Variants in PTTG1IP2 observed in about 807,000 individuals in gnomAD.
PTTG1IP2 encodes PTTG1IP family member 2.
chr7:90,511,879 A>T (rs1422902778), intron 6 of PTTG1IP2, among the ~76,000 whole-genome samples: 1 of 152,242 alleles, frequency 6.6e-6, no homozygotes, highest in Non-Finnish European at 1.5e-5. Context: ...GTGGTGATAC[A>T]ATGAGCTAAC....
At chr7:90,485,271 C>T (rs1010508027) in intron 2 of PTTG1IP2, among the ~76,000 whole-genome samples, 1 of 151,916 alleles carries the variant, frequency 6.6e-6, no homozygotes, top group African/African-American at 2.4e-5. Context: ...TCCATCCATC[C>T]CCATATTTTC....
intron 1 of PTTG1IP2, among the ~76,000 whole-genome samples, chr7:90,473,618 T>C (rs1797714550): frequency 6.6e-6 from 1 of 152,232 alleles, no homozygotes; most frequent in Non-Finnish European, 1.5e-5. Flanking sequence ...TACTGAATTG[T>C]GATGTAAAAC....
At chr7:90,472,438 C>T (rs962573040) in intron 1 of PTTG1IP2, among the ~76,000 whole-genome samples, 3 of 151,948 alleles carry the variant, frequency 2.0e-5, no homozygotes, top group African/African-American at 7.3e-5. Context: ...GCCTCGAAGT[C>T]GATAGCAAGA....
At chr7:90,479,732 T>C (rs1797794144) in intron 2 of PTTG1IP2, among the ~76,000 whole-genome samples, 1 of 152,168 alleles carries the variant, frequency 6.6e-6, no homozygotes, top group African/African-American at 2.4e-5. Context: ...CAGTTCAGAT[T>C]TGGAAGAAAG....
At chr7:90,485,628 G>T (rs1389826519) in intron 2 of PTTG1IP2, among the ~76,000 whole-genome samples, 1 of 152,164 alleles carries the variant, frequency 6.6e-6, no homozygotes, top group Non-Finnish European at 1.5e-5. Context: ...TTGGTCACCA[G>T]TCTAGCTGCT....
At chr7:90,478,049 A>G (rs1797770357) in intron 1 of PTTG1IP2, among the ~76,000 whole-genome samples, 1 of 144,770 alleles carries the variant, frequency 6.9e-6, no homozygotes, top group African/African-American at 2.6e-5. Flanking sequence ...GTGAGCCGAG[A>G]TCGTGCCACT....
At chr7:90,470,548 C>G (rs1403560600) in intron 1 of PTTG1IP2, among the ~76,000 whole-genome samples, 1 of 152,122 alleles carries the variant, frequency 6.6e-6, no homozygotes, top group East Asian at 1.9e-4. Flanking sequence ...TTTACAAAGA[C>G]AATGAGACAG....
At chr7:90,477,648 T>C (rs1293271452) in intron 1 of PTTG1IP2, among the ~76,000 whole-genome samples, 1 of 152,166 alleles carries the variant, frequency 6.6e-6, no homozygotes, top group Non-Finnish European at 1.5e-5. Flanking sequence ...GGAGACATGA[T>C]GACTAAAGGC....
At chr7:90,509,144 G>A (rs1295075474) in intron 6 of PTTG1IP2, among the ~76,000 whole-genome samples, 2 of 147,920 alleles carry the variant, frequency 1.4e-5, no homozygotes, top group Non-Finnish European at 3.0e-5. Context: ...GCGGACAACA[G>A]CATAATCAGA....
At chr7:90,492,018 C>T (rs1797944274) in intron 4 of PTTG1IP2, among the ~76,000 whole-genome samples, 2 of 152,026 alleles carry the variant, frequency 1.3e-5, no homozygotes, top group African/African-American at 4.8e-5. Flanking sequence ...GTAATCCCAG[C>T]TACTTAGGTG....
intron 5 of PTTG1IP2, among the ~76,000 whole-genome samples, chr7:90,492,523 G>A (rs566629723): frequency 6.6e-5 from 10 of 152,100 alleles, no homozygotes; most frequent in Non-Finnish European, 1.0e-4. Flanking sequence ...TACATATTGC[G>A]CCATTGCATT....
intron 1 of PTTG1IP2, among the ~76,000 whole-genome samples, chr7:90,478,153 T>C (rs1213023934): frequency 1.3e-5 from 2 of 149,082 alleles, no homozygotes; most frequent in African/African-American, 4.9e-5. Context: ...TGAGGGGGTA[T>C]ACAGGAACTC....
chr7:90,492,978 C>T (rs1797955200), intron 5 of PTTG1IP2, among the ~76,000 whole-genome samples: 1 of 152,216 alleles, frequency 6.6e-6, no homozygotes, highest in Non-Finnish European at 1.5e-5. Flanking sequence ...TGGGCAGGCA[C>T]TCCCAATCCT....
At chr7:90,497,563 CAAAAAAAAAAA>C (rs758753541) in intron 6 of PTTG1IP2, among the ~76,000 whole-genome samples, 1,407 of 44,382 alleles carry the variant, frequency 0.032, 27 homozygotes, top group East Asian at 0.11. Context: ...GAATCCGTCT[CAAAAAAAAAAA>C]AAAAAAAAAA....
At chr7:90,486,877 G>T (rs1206746469) in intron 2 of PTTG1IP2, among the ~76,000 whole-genome samples, 1 of 152,194 alleles carries the variant, frequency 6.6e-6, no homozygotes, top group Non-Finnish European at 1.5e-5. Context: ...TGGAGTGACA[G>T]ACTCAGGGAA....
intron 5 of PTTG1IP2, among the ~76,000 whole-genome samples, chr7:90,492,989 C>T (rs1339397357): frequency 6.6e-6 from 1 of 152,206 alleles, no homozygotes; most frequent in East Asian, 1.9e-4. Flanking sequence ...TCCCAATCCT[C>T]TACCCAGGTC....
chr7:90,490,505 G>A (rs1797926720), intron 4 of PTTG1IP2, among the ~76,000 whole-genome samples: 1 of 151,368 alleles, frequency 6.6e-6, no homozygotes. Context: ...ACTTGGTCAG[G>A]AACTTTGTAT....
chr7:90,506,607 A>C (rs1798127275), intron 6 of PTTG1IP2, among the ~76,000 whole-genome samples: 1 of 152,072 alleles, frequency 6.6e-6, no homozygotes, highest in Non-Finnish European at 1.5e-5. Flanking sequence ...TACTAAAAAA[A>C]ATTTTTTTAA....
intron 6 of PTTG1IP2, among the ~76,000 whole-genome samples, chr7:90,497,380 T>A (rs549532108): frequency 3.3e-5 from 5 of 151,722 alleles, no homozygotes; most frequent in Non-Finnish European, 7.4e-5. Context: ...CTGGCTAACA[T>A]GGTGAAACCC....
Sources: gnomAD v4.1 joint callset for allele counts (sites outside exome capture counted in the v4.1 genomes callset) on GRCh38, gnomAD v4.1.1 for gene constraint, MANE v1.5 for transcripts, NCBI Gene and HGNC (gene_info 2026-07-23, HGNC 2026-07-21) for gene names.